The following CALN1 variants were observed in gnomAD, a reference collection of about 807,000 sequenced individuals.
The protein encoded by CALN1 is calcium-binding protein 8.
Under a neutral mutation model 30.6 loss-of-function variants are expected in CALN1, and 17 were observed. The observed-to-expected ratio is 0.56, with a 90% confidence interval of 0.38 to 0.83. CALN1 has a LOEUF of 0.83. Ranked by LOEUF, CALN1 falls within the 40% of genes least tolerant of loss-of-function variation. CALN1 has a pLI of 0.00. For synonymous variants in CALN1, 156 were observed against 131.4 expected (o/e 1.19, Z -1.28); for missense variants, 291 against 354.9 (o/e 0.82, Z 1.45).
intron 5 of CALN1, among the ~76,000 whole-genome samples, chr7:71,819,929 C>A (rs1788496499): frequency 6.6e-6 from 1 of 152,134 alleles, no homozygotes; most frequent in African/African-American, 2.4e-5. Flanking sequence ...CAAGGGCATT[C>A]CAAAGTTAAC....
chr7:72,189,015 T>C (rs1391861521), intron 3 of CALN1, among the ~76,000 whole-genome samples: 1 of 152,002 alleles, frequency 6.6e-6, no homozygotes, highest in East Asian at 1.9e-4. Flanking sequence ...GCTCCTCCAG[T>C]GAGGAAAAAG....
At chr7:72,220,528 C>A (rs1793207810) in intron 3 of CALN1, among the ~76,000 whole-genome samples, 2 of 151,964 alleles carry the variant, frequency 1.3e-5, no homozygotes, top group African/African-American at 4.8e-5. Context: ...TTTATAGCAG[C>A]ATGATTTATA....
chr7:72,079,922 C>T (rs563081233), intron 4 of CALN1, among the ~76,000 whole-genome samples: 1 of 152,072 alleles, frequency 6.6e-6, no homozygotes, highest in African/African-American at 2.4e-5. Context: ...AGGCATCTGC[C>T]ACGATGCCCA....
intron 4 of CALN1, among the ~76,000 whole-genome samples, chr7:72,044,826 C>T (rs1802367307): frequency 6.6e-6 from 1 of 151,764 alleles, no homozygotes; most frequent in Non-Finnish European, 1.5e-5. Flanking sequence ...CACTATGTTC[C>T]CCAGGCCGAT....
chr7:72,388,141 T>TA (rs1562939755), intron 2 of CALN1, among the ~76,000 whole-genome samples: 1 of 152,170 alleles, frequency 6.6e-6, no homozygotes, highest in African/African-American at 2.4e-5. Context: ...AAAGAAATGA[T>TA]AAATGTTTGA....
intron 5 of CALN1, among the ~76,000 whole-genome samples, chr7:71,964,177 A>G (rs1797411052): frequency 6.6e-6 from 1 of 152,160 alleles, no homozygotes; most frequent in South Asian, 2.1e-4. Context: ...GTGTTCCTTT[A>G]TCCCCCGTCA....
chr7:71,954,006 C>T (rs1796832732), intron 5 of CALN1, among the ~76,000 whole-genome samples: 1 of 152,162 alleles, frequency 6.6e-6, no homozygotes, highest in Non-Finnish European at 1.5e-5. Flanking sequence ...GGAACAACTG[C>T]AATGAATTCA....
intron 5 of CALN1, among the ~76,000 whole-genome samples, chr7:71,961,613 T>A (rs1470789480): frequency 6.6e-6 from 1 of 152,192 alleles, no homozygotes; most frequent in Non-Finnish European, 1.5e-5. Flanking sequence ...AAAATGTGTG[T>A]GCGCAATTCT....
chr7:72,044,210 A>G (rs1802316977), intron 4 of CALN1, among the ~76,000 whole-genome samples: 1 of 152,094 alleles, frequency 6.6e-6, no homozygotes, highest in South Asian at 2.1e-4. Flanking sequence ...TCCTCCAAAT[A>G]GCAGAACAGG....
chr7:72,255,643 T>C (rs958807805), intron 3 of CALN1, among the ~76,000 whole-genome samples: 1 of 150,240 alleles, frequency 6.7e-6, no homozygotes, highest in Admixed American at 6.6e-5. Context: ...CTTGAACTCC[T>C]GACCTCAAGT....
chr7:72,400,976 CTG>C (rs1806298327), intron 2 of CALN1, among the ~76,000 whole-genome samples: 2 of 152,336 alleles, frequency 1.3e-5, no homozygotes, highest in East Asian at 1.9e-4. Context: ...CCTGCCCACA[CTG>C]TGCATAACCA....
At chr7:72,161,412 AAAT>A (rs780050982) in intron 3 of CALN1, among the ~76,000 whole-genome samples, 1 of 152,206 alleles carries the variant, frequency 6.6e-6, no homozygotes, top group Non-Finnish European at 1.5e-5. Context: ...AAAGAGGCCT[AAAT>A]AATGTCATAA....
At chr7:72,311,394 C>CA (rs1277419770) in intron 2 of CALN1, among the ~76,000 whole-genome samples, 3 of 152,088 alleles carry the variant, frequency 2.0e-5, no homozygotes, top group African/African-American at 7.2e-5. Flanking sequence ...TGGGGGGAGT[C>CA]AAAAGTTATG....
intron 4 of CALN1, among the ~76,000 whole-genome samples, chr7:72,105,814 G>A (rs1171318910): frequency 3.7e-5 from 4 of 108,212 alleles, no homozygotes; most frequent in African/African-American, 1.0e-4. Flanking sequence ...AGGAGGAGGA[G>A]GGGGAGGGAG....
chr7:72,380,184 C>G lies in CALN1; in HGVS notation c.119+23067G>C, dbSNP rs576022717. On this transcript the variant is annotated intron_variant, in intron 2 of 6. Coordinates refer to ENST00000395275, the MANE Select transcript of CALN1 (RefSeq NM_031468.4). ...GAAGATTCCACTTAGGTTCCACAGC[C>G]CCATGCCAGCTGGATACCAGTCAAG... 9.9e-5 allele frequency among the ~76,000 whole-genome samples: 15 copies of G among 152,242 alleles called. No homozygotes were observed. In the South Asian group the frequency reaches 3.1e-3, roughly 32 times the overall value.
chr7:72,403,826 T>G, intron 1 of CALN1, among the ~76,000 whole-genome samples: 1 of 152,202 alleles, frequency 6.6e-6, no homozygotes, highest in East Asian at 1.9e-4. Flanking sequence ...TCCTTGCTGC[T>G]GACACCAGGA....
chr7:72,304,182 G>A (rs1487952999), intron 2 of CALN1, among the ~76,000 whole-genome samples: 1 of 152,206 alleles, frequency 6.6e-6, no homozygotes, highest in Non-Finnish European at 1.5e-5. Context: ...AAAGACTTAA[G>A]TTTATAAGCT....
At chr7:72,145,102 G>A (rs1786597263) in intron 3 of CALN1, among the ~76,000 whole-genome samples, 1 of 152,048 alleles carries the variant, frequency 6.6e-6, no homozygotes. Context: ...GCTAGCAGAA[G>A]GCAAGAAATA....
At chr7:72,043,977 C>T (rs2129534373) in intron 4 of CALN1, among the ~76,000 whole-genome samples, 1 of 152,172 alleles carries the variant, frequency 6.6e-6, no homozygotes, top group South Asian at 2.1e-4. Context: ...TTTTTAAAAC[C>T]ATCAGATCTT....
Sources: gnomAD v4.1 joint callset for allele counts (sites outside exome capture counted in the v4.1 genomes callset) on GRCh38, gnomAD v4.1.1 for gene constraint, MANE v1.5 for transcripts, NCBI Gene and HGNC (gene_info 2026-07-23, HGNC 2026-07-21) for gene names.